The following DOK5 variants were observed in gnomAD, a reference collection of about 807,000 sequenced individuals.
DOK5 encodes the protein downstream of tyrosine kinase 5.
In DOK5, 27 loss-of-function variants were observed where a neutral mutation model predicts 43.3. The ratio of observed to expected loss-of-function variants is 0.62; its 90% CI spans 0.46 to 0.86. DOK5 has a LOEUF of 0.86. Ranked by LOEUF, DOK5 falls within the 40% of genes least tolerant of loss-of-function variation. The pLI, the probability that DOK5 is intolerant of heterozygous loss-of-function variation, is 0.00. For synonymous variants in DOK5, 146 were observed against 140.1 expected, an observed-to-expected ratio of 1.04 and a Z score of -0.30; for missense variants, 373 against 392.9, an observed-to-expected ratio of 0.95 and a Z score of 0.43.
At chr20:54,536,120 A>T (rs1983953374) in intron 1 of DOK5, among the ~76,000 whole-genome samples, 1 of 152,266 alleles carries the variant, frequency 6.6e-6, no homozygotes, top group South Asian at 2.1e-4. Context: ...TATATTCTAA[A>T]GACCAAGGCA....
intron 1 of DOK5, among the ~76,000 whole-genome samples, chr20:54,493,059 C>CA (rs66973631): frequency 0.085 from 5,036 of 59,218 alleles, 84 homozygotes; most frequent in Non-Finnish European, 0.12. Flanking sequence ...TGTCCCCCTC[C>CA]AAAAAAAAAA....
intron 1 of DOK5, among the ~76,000 whole-genome samples, chr20:54,503,140 G>A (rs989497619): frequency 9.9e-5 from 15 of 152,188 alleles, no homozygotes; most frequent in African/African-American, 3.6e-4. Context: ...TCTGGTGCAG[G>A]GGTAGGAAAT....
chr20:54,573,821 T>C (rs1346023761), intron 2 of DOK5, among the ~76,000 whole-genome samples: 2 of 152,082 alleles, frequency 1.3e-5, no homozygotes, highest in Non-Finnish European at 2.9e-5. Context: ...AGGAGCTTCC[T>C]GAAAGTTCCA....
chr20:54,559,134 C>A (rs58686390), intron 2 of DOK5, among the ~76,000 whole-genome samples: 34,433 of 151,940 alleles, frequency 0.23, 5,727 homozygotes, highest in African/African-American at 0.48. Flanking sequence ...CCATGTTTTC[C>A]TTCAGGAAAT....
chr20:54,476,103 G>A, intron 1 of DOK5, 91 bp downstream of exon 1: 4 of 1,575,888 alleles, frequency 2.5e-6, no homozygotes, highest in Non-Finnish European at 3.4e-6. Flanking sequence ...GAGAGTCCCC[G>A]GCCGCGCGCC....
At chr20:54,481,771 A>T (rs1406086218) in intron 1 of DOK5, among the ~76,000 whole-genome samples, 1 of 152,058 alleles carries the variant, frequency 6.6e-6, no homozygotes, top group Non-Finnish European at 1.5e-5. Flanking sequence ...CTGCGTTAAA[A>T]TCCCAACTCA....
intron 6 of DOK5, among the ~76,000 whole-genome samples, chr20:54,614,038 A>C (rs1986730412): frequency 6.7e-6 from 1 of 149,330 alleles, no homozygotes; most frequent in African/African-American, 2.4e-5. Context: ...TTATTTATAT[A>C]TATGGTTATA....
chr20:54,592,623 C>T (rs1034294214), intron 5 of DOK5, among the ~76,000 whole-genome samples: 18 of 151,550 alleles, frequency 1.2e-4, no homozygotes, highest in African/African-American at 4.4e-4. Flanking sequence ...TCACTGCAAG[C>T]TCCGCCTCCC....
chr20:54,589,764 A>G (rs1417555684), intron 4 of DOK5, among the ~76,000 whole-genome samples: 6 of 152,122 alleles, frequency 3.9e-5, no homozygotes, highest in African/African-American at 9.7e-5. Context: ...GTCCCTCCCA[A>G]TTGGAACTAT....
At chr20:54,616,552 A>G (rs1986813524) in intron 6 of DOK5, among the ~76,000 whole-genome samples, 1 of 152,148 alleles carries the variant, frequency 6.6e-6, no homozygotes, top group South Asian at 2.1e-4. Flanking sequence ...TGATGTCTAT[A>G]TTACTATATA....
At chr20:54,624,841 T>C (rs2146809598) in intron 6 of DOK5, among the ~76,000 whole-genome samples, 1 of 152,300 alleles carries the variant, frequency 6.6e-6, no homozygotes, top group Middle Eastern at 3.4e-3. Flanking sequence ...CACTTGGAAA[T>C]TTGGCCCCAA....
intron 1 of DOK5, among the ~76,000 whole-genome samples, chr20:54,491,510 G>T (rs1427366324): frequency 6.6e-6 from 1 of 152,132 alleles, no homozygotes; most frequent in Non-Finnish European, 1.5e-5. Flanking sequence ...AGAGAAACCT[G>T]GCCAGGGTGA....
intron 1 of DOK5, 29 bp from the exon 2 acceptor site, chr20:54,554,904 C>A: frequency 7.1e-7 from 1 of 1,409,736 alleles, no homozygotes; most frequent in Non-Finnish European, 1.0e-6. Context: ...AGGGGAGATG[C>A]TGAGCTCAGT....
chr20:54,526,981 A>C (rs1451508631), intron 1 of DOK5, among the ~76,000 whole-genome samples: 1 of 152,158 alleles, frequency 6.6e-6, no homozygotes, highest in East Asian at 1.9e-4. Flanking sequence ...TTGTTGTTTA[A>C]TTTTACTGGG....
intron 6 of DOK5, among the ~76,000 whole-genome samples, chr20:54,616,973 G>A (rs1426575656): frequency 6.6e-6 from 1 of 151,796 alleles, no homozygotes. Context: ...TGTATTTTTA[G>A]TGGAGACGGG....
chr20:54,481,764 C>G (rs111396234), intron 1 of DOK5, among the ~76,000 whole-genome samples: 1 of 152,182 alleles, frequency 6.6e-6, no homozygotes, highest in Non-Finnish European at 1.5e-5. Flanking sequence ...CATGTGACTG[C>G]GTTAAAATCC....
At position 54,489,126 on chromosome 20, in the gene DOK5, T is replaced by G. The variant is rs1056828912; in HGVS notation, c.66+13114T>G. ...CAGTAGAACATTTTAGAATTTCTCA[T>G]AGTTGTTTATATATAATCTGCAAAT... On this transcript the variant is annotated intron_variant, in intron 1 of 7. Transcript: ENST00000262593. Among the ~76,000 whole-genome samples the G allele has an allele frequency of 6.6e-4, 101 of 152,212 alleles. 1 individual carries two copies. Among genetic ancestry groups the G allele is most frequent in the Non-Finnish European group, 2.8e-4 (19 of 68,042 alleles).
intron 1 of DOK5, among the ~76,000 whole-genome samples, chr20:54,497,331 T>A (rs1180591720): frequency 6.6e-6 from 1 of 152,226 alleles, no homozygotes; most frequent in Non-Finnish European, 1.5e-5. Context: ...AAAATTGTCA[T>A]CCATTTAAAA....
chr20:54,591,579 C>T (rs1410811084), intron 4 of DOK5, 37 bp from the exon 5 acceptor site: 1 of 1,465,462 alleles, frequency 6.8e-7, no homozygotes, highest in South Asian at 1.4e-5. Context: ...TGTTTTATTC[C>T]TGGGGATTTT....
Sources: gnomAD v4.1 joint callset for allele counts (sites outside exome capture counted in the v4.1 genomes callset) on GRCh38, gnomAD v4.1.1 for gene constraint, MANE v1.5 for transcripts, NCBI Gene and HGNC (gene_info 2026-07-23, HGNC 2026-07-21) for gene names.